Variants in TTC28 observed in about 807,000 individuals in gnomAD.
The protein encoded by TTC28 is tetratricopeptide repeat protein 28.
Under a neutral mutation model 198.0 loss-of-function variants are expected in TTC28, and 61 were observed. The ratio of observed to expected loss-of-function variants is 0.31; its 90% CI spans 0.25 to 0.38. The LOEUF (loss-of-function observed/expected upper bound fraction) is 0.38. Ranked by LOEUF, TTC28 falls within the 10% of genes least tolerant of loss-of-function variation. TTC28 has a pLI of 1.00. For missense variants in TTC28, 2,678 were observed against 3,164.0 expected (o/e 0.85, Z 3.69); for synonymous variants, 1,171 against 1,297.8 (o/e 0.90, Z 2.10).
chr22:28,675,437 T>A (rs143122503), intron 1 of TTC28, among the ~76,000 whole-genome samples: 43 of 152,196 alleles, frequency 2.8e-4, no homozygotes, highest in African/African-American at 1.0e-3. Context: ...ATTAAAAACT[T>A]TTTTGGCATC....
chr22:28,130,209 T>C (rs2146961233), intron 6 of TTC28, among the ~76,000 whole-genome samples: 1 of 152,270 alleles, frequency 6.6e-6, no homozygotes, highest in African/African-American at 2.4e-5. Flanking sequence ...TTAGTCAACA[T>C]TTGACTCAAT....
At position 28,435,408 on chromosome 22, in the gene TTC28, A is replaced by T. The variant is rs146003852; in HGVS notation, c.382-128765T>A. On this transcript the variant is annotated intron_variant, in intron 2 of 22. Coordinates refer to ENST00000397906, the MANE Select transcript of TTC28 (RefSeq NM_001145418.2). ...CCTATAAATCCTGAAAATGTCAGTT[A>T]AATGATATAATTCTTACAGCTTTCA... Among the ~76,000 whole-genome samples the T allele has an allele frequency of 1.1e-3, 164 of 152,386 alleles. No homozygotes were observed. The East Asian group carries it at 0.029, about 27-fold the overall frequency.
chr22:28,501,976 C>A (rs750821053), intron 2 of TTC28, among the ~76,000 whole-genome samples: 1 of 152,122 alleles, frequency 6.6e-6, no homozygotes, highest in Non-Finnish European at 1.5e-5. Flanking sequence ...AGCTGAAAAG[C>A]TGATTGGTAC....
At chr22:28,147,479 T>G (rs1357736434) in intron 6 of TTC28, among the ~76,000 whole-genome samples, 1 of 152,206 alleles carries the variant, frequency 6.6e-6, no homozygotes, top group East Asian at 1.9e-4. Context: ...AATGTCACAT[T>G]GTCCTACTCA....
intron 2 of TTC28, among the ~76,000 whole-genome samples, chr22:28,307,236 C>G (rs969499997): frequency 6.6e-6 from 1 of 152,052 alleles, no homozygotes; most frequent in Admixed American, 6.6e-5. Flanking sequence ...GGTTATTATC[C>G]TTTGTATTCT....
chr22:28,390,310 G>A (rs2046694622), intron 2 of TTC28, among the ~76,000 whole-genome samples: 1 of 152,154 alleles, frequency 6.6e-6, no homozygotes, highest in Non-Finnish European at 1.5e-5. Flanking sequence ...TGAAAAAAAT[G>A]CATATTCTGT....
chr22:28,015,025 A>T (rs1278986058), intron 13 of TTC28, among the ~76,000 whole-genome samples: 1 of 152,228 alleles, frequency 6.6e-6, no homozygotes, highest in African/African-American at 2.4e-5. Flanking sequence ...GTTTCCAGGC[A>T]TAGTTTTATT....
chr22:28,451,749 A>C (rs1391761074), intron 2 of TTC28, among the ~76,000 whole-genome samples: 2 of 152,166 alleles, frequency 1.3e-5, no homozygotes, highest in East Asian at 3.9e-4. Flanking sequence ...CTATGTTATA[A>C]ATTTTCTTAT....
intron 5 of TTC28, among the ~76,000 whole-genome samples, chr22:28,267,197 T>A (rs1314960612): frequency 2.0e-5 from 3 of 152,196 alleles, no homozygotes; most frequent in African/African-American, 7.2e-5. Flanking sequence ...TATGACCAAT[T>A]TCTGTGATTT....
chr22:28,093,998 T>C, intron 12 of TTC28, 82 bp downstream of exon 12: 3 of 1,384,178 alleles, frequency 2.2e-6, no homozygotes, highest in Admixed American at 2.9e-5. Context: ...AGATTTCTTC[T>C]GTTAGCTCAA....
chr22:28,032,222 T>TATATATATATAAAATATATATATATAAA lies in TTC28; in HGVS notation c.3933-1884_3933-1857dup, dbSNP rs1244833471. ...ATATATAAAATATATATATATAAAA[T>TATATATATATAAAATATATATATATAAA]ATATATATATAAAATATATATATAT... On this transcript the variant is annotated intron_variant, in intron 12 of 22. Coordinates refer to ENST00000397906, the MANE Select transcript of TTC28 (RefSeq NM_001145418.2). Among the ~76,000 whole-genome samples, 477 of 122,386 alleles carry TATATATATATAAAATATATATATATAAA rather than the reference T, an allele frequency of 3.9e-3. 7 individuals are homozygous for TATATATATATAAAATATATATATATAAA. The highest frequency in any genetic ancestry group is 7.0e-3 in the African/African-American group (205 of 29,246). 80.3% of individuals were successfully genotyped at this position (122,386 alleles called of 152,430 possible).
intron 2 of TTC28, among the ~76,000 whole-genome samples, chr22:28,587,202 C>CA (rs1276611089): frequency 6.6e-6 from 1 of 151,954 alleles, no homozygotes; most frequent in Non-Finnish European, 1.5e-5. Flanking sequence ...ACTAAAAATA[C>CA]AAAAAAATTA....
rs572257896 is a variant in TTC28, at chr22:27,996,174, C to T, written c.5205G>A (p.Pro1735=). Residue 1735 remains proline, a synonymous_variant, in exon 17 of 23, where the codon CCG becomes CCA. Transcript: ENST00000397906. The part of the protein sequence containing the change: ...GQALTEILQH[P]ERARDALRVL... ...CTCGCAGGGCGTCCCGCGCACGCTCCGGGTGCTGCAGGATCTCTGTGAGGG... is the reference window on the plus strand; with the variant it reads ...CTCGCAGGGCGTCCCGCGCACGCTCTGGGTGCTGCAGGATCTCTGTGAGGG... 71 of 1,551,064 alleles carry T rather than the reference C, an allele frequency of 4.6e-5. No homozygotes were observed. In the South Asian group the frequency reaches 5.1e-4, roughly 11 times the overall value.
intron 2 of TTC28, among the ~76,000 whole-genome samples, chr22:28,354,982 C>T (rs2046053712): frequency 8.4e-6 from 1 of 118,724 alleles, no homozygotes; most frequent in Non-Finnish European, 1.6e-5. Context: ...CCTCCCCCCA[C>T]CCCACTTTAC....
At chr22:28,031,906 CA>C (rs1939095341) in intron 12 of TTC28, among the ~76,000 whole-genome samples, 2 of 151,536 alleles carry the variant, frequency 1.3e-5, no homozygotes, top group African/African-American at 4.8e-5. Flanking sequence ...CTGGATAGAG[CA>C]AAAAAGTAGA....
rs139813345 is a variant in TTC28, at chr22:28,675,412, C to A, written c.102+4210G>T. ...GAGCAACAAAGAAAAAACAGATAAG[C>A]TAGACTTCCTCAAAATTAAAAACTT... On this transcript the variant is annotated intron_variant, in intron 1 of 22. Transcript: ENST00000397906. Among the ~76,000 whole-genome samples the A allele has an allele frequency of 9.8e-4, 149 of 152,190 alleles. 1 individual carries two copies. Among genetic ancestry groups the A allele is most frequent in the African/African-American group, 2.5e-3 (103 of 41,554 alleles).
intron 14 of TTC28, among the ~76,000 whole-genome samples, chr22:28,011,491 G>A (rs1183972535): frequency 1.3e-5 from 2 of 152,192 alleles, no homozygotes. Flanking sequence ...AGCTATTCAG[G>A]AGGCTGAGGT....
chr22:28,391,843 G>T (rs1056944738), intron 2 of TTC28, among the ~76,000 whole-genome samples: 16 of 152,168 alleles, frequency 1.1e-4, no homozygotes, highest in Non-Finnish European at 2.9e-5. Context: ...CTCTCAGCTC[G>T]TCAAAGTCAT....
intron 2 of TTC28, among the ~76,000 whole-genome samples, chr22:28,395,097 A>T (rs945386703): frequency 3.9e-5 from 6 of 152,224 alleles, no homozygotes; most frequent in African/African-American, 1.4e-4. Context: ...AAATCTGGAG[A>T]TCAAAAGTAC....
Sources: gnomAD v4.1 joint callset for allele counts (sites outside exome capture counted in the v4.1 genomes callset) on GRCh38, gnomAD v4.1.1 for gene constraint, MANE v1.5 for transcripts, NCBI Gene and HGNC (gene_info 2026-07-23, HGNC 2026-07-21) for gene names.